The following CDH12 variants were observed in gnomAD, a reference collection of about 807,000 sequenced individuals.
The protein encoded by CDH12 is cadherin-12.
In CDH12, 41 loss-of-function variants were observed where a neutral mutation model predicts 74.1. That is an observed-to-expected ratio of 0.55 (90% CI 0.43 to 0.72). The LOEUF is 0.72. Ranked by LOEUF, CDH12 falls within the 30% of genes least tolerant of loss-of-function variation. CDH12 has a pLI of 0.00. For synonymous variants in CDH12, 399 were observed against 355.0 expected, an observed-to-expected ratio of 1.12 and a Z score of -1.39; for missense variants, 945 against 977.2, an observed-to-expected ratio of 0.97 and a Z score of 0.44.
chr5:21,753,826 C>T (rs1274160198), intron 14 of CDH12, among the ~76,000 whole-genome samples: 1 of 152,134 alleles, frequency 6.6e-6, no homozygotes, highest in East Asian at 1.9e-4. Flanking sequence ...TTACTTGCTA[C>T]AGTGTATGAC....
chr5:22,246,397 T>C (rs1752945840), intron 3 of CDH12, among the ~76,000 whole-genome samples: 1 of 152,118 alleles, frequency 6.6e-6, no homozygotes, highest in Non-Finnish European at 1.5e-5. Flanking sequence ...TTCAAATATC[T>C]TAGAACCAAA....
chr5:22,757,803 C>G (rs566162251), intron 1 of CDH12, among the ~76,000 whole-genome samples: 3 of 152,254 alleles, frequency 2.0e-5, no homozygotes, highest in African/African-American at 7.2e-5. Flanking sequence ...AAGAAATCCC[C>G]TAAATGAAAT....
At position 21,996,141 on chromosome 5, in the gene CDH12, T is replaced by C. The variant is rs1245476161; in HGVS notation, c.232-20756A>G. The stretch of plus-strand genomic sequence containing the variant: ...TTTTTTTTTTTTTTTTTCCAATGCC[T>C]GCTTGAAGTGTAGACCATGTCTTTC... On this transcript the variant is annotated intron_variant, in intron 5 of 14. Transcript: ENST00000382254. Among the ~76,000 whole-genome samples the C allele has an allele frequency of 4.3e-5, 6 of 140,306 alleles. No homozygotes were observed. The South Asian group carries it at 9.7e-4, about 23-fold the overall frequency. The allele number at this position is 140,306 out of a possible 152,430, so 92.0% of individuals were successfully genotyped here.
At chr5:22,633,341 A>G (rs1315829475) in intron 1 of CDH12, among the ~76,000 whole-genome samples, 1 of 152,202 alleles carries the variant, frequency 6.6e-6, no homozygotes, top group Non-Finnish European at 1.5e-5. Flanking sequence ...AGTGCAATGG[A>G]TTCTTGTTTA....
intron 1 of CDH12, among the ~76,000 whole-genome samples, chr5:22,712,660 T>C (rs1743348339): frequency 6.6e-6 from 1 of 152,174 alleles, no homozygotes; most frequent in South Asian, 2.1e-4. Context: ...TATTATTTTT[T>C]GTCCTTACAA....
At chr5:21,846,143 CTG>C (rs1750154812) in intron 7 of CDH12, among the ~76,000 whole-genome samples, 1 of 152,176 alleles carries the variant, frequency 6.6e-6, no homozygotes, top group Non-Finnish European at 1.5e-5. Context: ...TTTTCACAAA[CTG>C]TGCAAATGGC....
chr5:22,560,065 A>C (rs1159975008), intron 1 of CDH12, among the ~76,000 whole-genome samples: 1 of 152,178 alleles, frequency 6.6e-6, no homozygotes, highest in African/African-American at 2.4e-5. Context: ...GGTCATTGCC[A>C]ATAAAAAGCT....
chr5:22,305,487 C>T lies in CDH12; in HGVS notation c.-332-92844G>A, dbSNP rs372541849. The stretch of plus-strand genomic sequence containing the variant: ...GGCAGCAGGACTGGTTGAAGTGCCA[C>T]GCTGGCTCCATGAAGCCACAGACAA... On this transcript the variant is annotated intron_variant, in intron 3 of 14. Transcript: ENST00000382254. 5.5e-4 allele frequency among the ~76,000 whole-genome samples: 84 copies of T among 152,256 alleles called. No individual in the cohort carries two copies. The South Asian group carries it at 0.016, about 29-fold the overall frequency.
intron 1 of CDH12, among the ~76,000 whole-genome samples, chr5:22,687,944 A>T (rs1296295781): frequency 6.6e-6 from 1 of 152,156 alleles, no homozygotes; most frequent in Non-Finnish European, 1.5e-5. Flanking sequence ...GCTAAGTTTC[A>T]TGTCTCTGGT....
At position 22,668,206 on chromosome 5, in the gene CDH12, G is replaced by A. The variant is rs571673143; in HGVS notation, c.-522-162842C>T. 7.4e-4 allele frequency among the ~76,000 whole-genome samples: 113 copies of A among 151,966 alleles called. 3 individuals are homozygous for A. In the Middle Eastern group the frequency reaches 0.014, roughly 18 times the overall value. ...AAATCTTCTAATCTTTCTAACTCTAGTTCTATAATTAAAGTTTTATAAAAA... is the reference window on the plus strand; with the variant it reads ...AAATCTTCTAATCTTTCTAACTCTAATTCTATAATTAAAGTTTTATAAAAA... On this transcript the variant is annotated intron_variant, in intron 1 of 14. Transcript: ENST00000382254.
chr5:22,547,172 C>T (rs1006580281), intron 1 of CDH12, among the ~76,000 whole-genome samples: 1 of 152,146 alleles, frequency 6.6e-6, no homozygotes, highest in Non-Finnish European at 1.5e-5. Context: ...ACTCATGTAG[C>T]AAAACTGGAT....
chr5:22,030,246 C>G (rs193010440), intron 5 of CDH12, among the ~76,000 whole-genome samples: 293 of 151,202 alleles, frequency 1.9e-3, no homozygotes, highest in African/African-American at 6.9e-3. Context: ...CACATGTACC[C>G]CAAAACTTAA....
intron 1 of CDH12, among the ~76,000 whole-genome samples, chr5:22,723,251 C>G (rs1743990095): frequency 5.3e-5 from 8 of 152,128 alleles, no homozygotes; most frequent in Admixed American, 3.3e-4. Flanking sequence ...AAACTCACTT[C>G]TTCACACATC....
Position 22,339,295 on chromosome 5 carries a change from T to C in CDH12, c.-333+65962A>G, listed in dbSNP as rs561975764. Among the ~76,000 whole-genome samples, 12 of 152,246 alleles carry C rather than the reference T, an allele frequency of 7.9e-5. No homozygotes were observed. In the South Asian group the frequency reaches 2.3e-3, roughly 29 times the overall value. On this transcript the variant is annotated intron_variant, in intron 3 of 14. Coordinates refer to ENST00000382254, the MANE Select transcript of CDH12 (RefSeq NM_004061.5). ...CCTGAGCTGGATTTCAAACCTTAGG[T>C]TGGACAGTTTTTTAGTGTTTTAAGT...
At chr5:21,800,993 A>G (rs1475564932) in intron 10 of CDH12, among the ~76,000 whole-genome samples, 1 of 152,168 alleles carries the variant, frequency 6.6e-6, no homozygotes, top group Admixed American at 6.5e-5. Context: ...ACCCAGTCTC[A>G]GGGTGGTTCT....
chr5:22,812,913 T>C (rs13184821), intron 1 of CDH12, among the ~76,000 whole-genome samples: 21,399 of 151,572 alleles, frequency 0.14, 1,748 homozygotes, highest in African/African-American at 0.21. Flanking sequence ...GTTGAGGAGG[T>C]TGGAGGACTG....
chr5:22,117,868 G>C (rs955183932), intron 4 of CDH12, among the ~76,000 whole-genome samples: 1 of 151,662 alleles, frequency 6.6e-6, no homozygotes, highest in African/African-American at 2.4e-5. Flanking sequence ...GTTTCCTTTA[G>C]AGTAGACTTA....
rs12108814 is a variant in CDH12, at chr5:21,765,069, A to G, written c.1424T>C (p.Ile475Thr). The change falls in exon 12 of 15, where the codon ATA becomes ACA. Residue 475 changes from isoleucine (I) to threonine (T), a missense_variant. Coordinates refer to ENST00000382254, the MANE Select transcript of CDH12 (RefSeq NM_004061.5). ...SNPLLTSKVN[I>T]LINVLDVNEF... ...ATTTACATCTAAGACATTAATCAGT[A>G]TATTGACTTTGCTGGTCAATAAAGG... is the stretch of plus-strand genomic sequence containing the variant. The G allele has an allele frequency of 3.2e-3, 5,091 of 1,599,442 alleles. 128 individuals carry two copies. The African/African-American group carries it at 0.059, about 19-fold the overall frequency.
intron 5 of CDH12, among the ~76,000 whole-genome samples, chr5:22,062,166 A>T (rs910642931): frequency 6.6e-6 from 1 of 152,182 alleles, no homozygotes; most frequent in Non-Finnish European, 1.5e-5. Flanking sequence ...AACTTCATTC[A>T]AGGTCCCGCC....
Sources: allele counts gnomAD v4.1 joint callset (sites outside exome capture counted in the v4.1 genomes callset), GRCh38; gene constraint gnomAD v4.1.1; transcripts MANE v1.5; gene names NCBI Gene and HGNC (gene_info 2026-07-23, HGNC 2026-07-21).